EPHB1: variants seen among roughly 807,000 people sequenced by gnomAD.
EPHB1 encodes ephrin type-B receptor 1.
In EPHB1, 30 loss-of-function variants were observed where a neutral mutation model predicts 94.4. The observed-to-expected ratio is 0.32, with a 90% CI of 0.24 to 0.43. EPHB1 has a LOEUF of 0.43. Among genes scored for constraint, EPHB1 ranks in the 20% least tolerant of loss-of-function variants. The probability of loss-of-function intolerance (pLI) is 1.00; values close to 1 mark genes in which losing one functional copy is unlikely to be tolerated. For synonymous variants in EPHB1, 522 were observed against 489.1 expected (o/e 1.07, Z -0.89); for missense variants, 1,055 against 1,308.3 (o/e 0.81, Z 2.99).
At chr3:134,984,829 G>A (rs537685882) in intron 3 of EPHB1, among the ~76,000 whole-genome samples, 11 of 152,282 alleles carry the variant, frequency 7.2e-5, no homozygotes, top group African/African-American at 2.4e-4. Flanking sequence ...AACTGAGTGC[G>A]GGGGCTAGGG....
intron 1 of EPHB1, among the ~76,000 whole-genome samples, chr3:134,881,341 G>T (rs373323222): frequency 1.1e-4 from 17 of 152,120 alleles, no homozygotes; most frequent in South Asian, 4.1e-4. Context: ...GGCAGGACAA[G>T]ACATGCAGGT....
chr3:135,102,399 C>A (rs1229411238), intron 3 of EPHB1, among the ~76,000 whole-genome samples: 2 of 152,118 alleles, frequency 1.3e-5, no homozygotes, highest in Non-Finnish European at 2.9e-5. Context: ...TTTATCAACC[C>A]AAGTTAAAGC....
At chr3:135,164,533 G>T (rs1326538761) in intron 7 of EPHB1, among the ~76,000 whole-genome samples, 2 of 152,148 alleles carry the variant, frequency 1.3e-5, no homozygotes, top group African/African-American at 4.8e-5. Context: ...TTGTCAGTGG[G>T]CATGGTGGCT....
Position 134,947,656 on chromosome 3 carries a change from G to A in EPHB1, c.124-3715G>A, listed in dbSNP as rs191866864. On this transcript the variant is annotated intron_variant, in intron 2 of 15. Transcript: ENST00000398015. ...TTGTGATTTCTCATTTTACAGATGA[G>A]AAAACTGAGGCCCAGAGAGGTTAAT... Among the ~76,000 whole-genome samples the A allele has an allele frequency of 3.0e-3, 455 of 152,300 alleles. 1 individual carries two copies. The highest frequency in any genetic ancestry group is 0.01 in the African/African-American group (431 of 41,558).
At chr3:134,884,964 A>C (rs1351320387) in intron 1 of EPHB1, among the ~76,000 whole-genome samples, 1 of 152,086 alleles carries the variant, frequency 6.6e-6, no homozygotes, top group Non-Finnish European at 1.5e-5. Context: ...GGATGTAATG[A>C]CTCCTTTACT....
chr3:135,192,488 G>A, intron 10 of EPHB1, 88 bp from the exon 11 acceptor site: 1 of 1,465,540 alleles, frequency 6.8e-7, no homozygotes, highest in Non-Finnish European at 9.3e-7. Context: ...TTCCACTTGG[G>A]GCACCATTGT....
At chr3:135,172,644 G>A (rs1941837839) in intron 9 of EPHB1, among the ~76,000 whole-genome samples, 1 of 152,230 alleles carries the variant, frequency 6.6e-6, no homozygotes, top group African/African-American at 2.4e-5. Context: ...GGTCAGGTGT[G>A]TCCCTGGAGG....
intron 1 of EPHB1, among the ~76,000 whole-genome samples, chr3:134,836,754 G>A (rs1411315089): frequency 3.3e-5 from 5 of 152,160 alleles, no homozygotes; most frequent in African/African-American, 9.7e-5. Context: ...ATCAAGATAG[G>A]AAACTTAAGG....
intron 1 of EPHB1, among the ~76,000 whole-genome samples, chr3:134,851,565 G>A (rs1214821661): frequency 1.3e-5 from 2 of 152,214 alleles, no homozygotes; most frequent in Non-Finnish European, 2.9e-5. Context: ...CACCTGGGCT[G>A]TCTTGGCCTC....
intron 6 of EPHB1, among the ~76,000 whole-genome samples, chr3:135,159,692 C>T (rs541718029): frequency 1.3e-5 from 2 of 152,300 alleles, no homozygotes; most frequent in South Asian, 4.1e-4. Context: ...TGGGCAGCTC[C>T]TCTGCAGGCA....
intron 3 of EPHB1, among the ~76,000 whole-genome samples, chr3:135,032,262 C>G (rs1178055037): frequency 2.1e-5 from 3 of 146,192 alleles, no homozygotes; most frequent in Middle Eastern, 3.3e-3. Context: ...TTTTAAATCT[C>G]TTTTTTCTAT....
At chr3:135,022,365 G>C (rs949488929) in intron 3 of EPHB1, among the ~76,000 whole-genome samples, 1 of 152,038 alleles carries the variant, frequency 6.6e-6, no homozygotes, top group Non-Finnish European at 1.5e-5. Flanking sequence ...CCACATTTTG[G>C]TATAAGATTT....
At chr3:135,243,860 A>G (rs2107729238) in intron 13 of EPHB1, among the ~76,000 whole-genome samples, 1 of 152,290 alleles carries the variant, frequency 6.6e-6, no homozygotes. Context: ...AGAGATAATG[A>G]GAGTGGCAGT....
intron 3 of EPHB1, among the ~76,000 whole-genome samples, chr3:135,032,279 T>TC (rs1936501200): frequency 1.2e-5 from 1 of 84,636 alleles, no homozygotes; most frequent in Admixed American, 1.6e-4. Flanking sequence ...CTATCTCTGA[T>TC]TTTTTTTTTC....
chr3:135,258,593 C>G (rs1177418053), intron 15 of EPHB1, among the ~76,000 whole-genome samples: 3 of 152,122 alleles, frequency 2.0e-5, no homozygotes, highest in Non-Finnish European at 4.4e-5. Context: ...AGGTGAGCCC[C>G]ACATCTTTTC....
rs2107687125 is a variant in EPHB1 at position 135,132,723 on chromosome 3, C to T, written c.971C>T (p.Ser324Leu). The T allele has an allele frequency of 6.3e-7, 1 of 1,587,308 alleles. No individual in the cohort carries two copies. The highest frequency in any genetic ancestry group is 8.6e-7 in the Non-Finnish European group (1 of 1,162,142). Residue 324 changes from serine to leucine, a missense_variant, in exon 5 of 16, where the codon TCA becomes TTA. Coordinates refer to ENST00000398015, the MANE Select transcript of EPHB1 (RefSeq NM_004441.5). ...PPEVACTSVP[S>L]GPRNVISIVN... ...CTTTGTCTCCCTGCAGGCGTCCCAT[C>T]AGGTCCCCGCAATGTTATCTCCATC...
chr3:135,066,491 G>A (rs1242893230), intron 3 of EPHB1, among the ~76,000 whole-genome samples: 1 of 152,162 alleles, frequency 6.6e-6, no homozygotes, highest in Non-Finnish European at 1.5e-5. Context: ...TTCTACTGCT[G>A]AGAGTTTCCA....
chr3:135,086,679 T>C (rs1938374478), intron 3 of EPHB1, among the ~76,000 whole-genome samples: 1 of 152,052 alleles, frequency 6.6e-6, no homozygotes. Context: ...CAAACTAATA[T>C]AGAGAGGAGA....
intron 1 of EPHB1, among the ~76,000 whole-genome samples, chr3:134,907,532 G>T (rs2038357788): frequency 6.6e-6 from 1 of 152,106 alleles, no homozygotes; most frequent in South Asian, 2.1e-4. Flanking sequence ...TGACCCACAG[G>T]CACTAAGGTA....
Sources: allele counts gnomAD v4.1 joint callset (sites outside exome capture counted in the v4.1 genomes callset), GRCh38; gene constraint gnomAD v4.1.1; transcripts MANE v1.5; gene names NCBI Gene and HGNC (gene_info 2026-07-23, HGNC 2026-07-21).